Variants in P4HA3 observed in about 807,000 individuals in gnomAD.
P4HA3 encodes the protein prolyl 4-hydroxylase subunit alpha 3, also known as prolyl 4-hydroxylase subunit alpha-3.
P4HA3 carries 60 observed loss-of-function variants against 66.7 expected under a neutral mutation model. The ratio of observed to expected loss-of-function variants is 0.90; its 90% CI spans 0.73 to 1.12. P4HA3 has a LOEUF of 1.12. Among genes scored for constraint, P4HA3 ranks in the 50% most tolerant of loss-of-function variants. The pLI is 0.00. For synonymous variants in P4HA3, 263 were observed against 274.6 expected (o/e 0.96, Z 0.42); for missense variants, 683 against 685.8 (o/e 1.00, Z 0.05).
chr11:74,268,799 C>T (rs1156283918), intron 11 of P4HA3, among the ~76,000 whole-genome samples: 1 of 152,154 alleles, frequency 6.6e-6, no homozygotes, highest in Non-Finnish European at 1.5e-5. Flanking sequence ...GGACTCAAGC[C>T]CAGGTGTTCT....
intron 1 of P4HA3, among the ~76,000 whole-genome samples, chr11:74,306,578 T>C (rs1481543592): frequency 6.6e-6 from 1 of 152,108 alleles, no homozygotes; most frequent in Non-Finnish European, 1.5e-5. Context: ...CAGGAGACTA[T>C]GAGTCCTTTG....
At chr11:74,292,244 T>C (rs1591121880) in intron 4 of P4HA3, among the ~76,000 whole-genome samples, 1 of 152,252 alleles carries the variant, frequency 6.6e-6, no homozygotes, top group African/African-American at 2.4e-5. Context: ...GAGGTGTTTA[T>C]AGTATTCTCT....
intron 10 of P4HA3, among the ~76,000 whole-genome samples, chr11:74,272,477 G>A (rs1860239241): frequency 6.6e-6 from 1 of 152,186 alleles, no homozygotes; most frequent in Admixed American, 6.5e-5. Context: ...GCTCCAAGAT[G>A]TGTCCCCTGC....
downstream of P4HA3, among the ~76,000 whole-genome samples, chr11:74,265,412 G>A (rs1450617471): frequency 6.6e-6 from 1 of 152,162 alleles, no homozygotes; most frequent in East Asian, 1.9e-4. Flanking sequence ...CAGAGCTCTG[G>A]GAAGCTGAGG....
chr11:74,257,138 C>CT (rs1198909431), intron 15 of P4HA3, among the ~76,000 whole-genome samples: 1 of 151,694 alleles, frequency 6.6e-6, no homozygotes, highest in Non-Finnish European at 1.5e-5. Context: ...TTTTTTCTTT[C>CT]TTTTTTTTAG....
At chr11:74,255,372 C>A (rs969758305) in intron 15 of P4HA3, among the ~76,000 whole-genome samples, 1 of 152,094 alleles carries the variant, frequency 6.6e-6, no homozygotes, top group African/African-American at 2.4e-5. Context: ...ACTTTGATCA[C>A]TTCAGTACCT....
At chr11:74,263,391 C>G (rs968553668), downstream of P4HA3, among the ~76,000 whole-genome samples, 1 of 152,200 alleles carries the variant, frequency 6.6e-6, no homozygotes, top group African/African-American at 2.4e-5. Context: ...GGAGACCCCC[C>G]CTGCCCTAAA....
intron 15 of P4HA3, among the ~76,000 whole-genome samples, chr11:74,255,641 T>A (rs1859814589): frequency 6.6e-6 from 1 of 152,234 alleles, no homozygotes; most frequent in Non-Finnish European, 1.5e-5. Context: ...GGTAAGACAT[T>A]TAATAAGTAG....
Position 74,311,462 on chromosome 11 carries a change from CAGCCCCA to C in P4HA3, c.143_149del (p.Leu48ArgfsTer2). On this transcript the variant is annotated frameshift_variant, in exon 1 of 13. Coordinates refer to ENST00000331597, the MANE Select transcript of P4HA3 (RefSeq NM_182904.5). LOFTEE classifies it high-confidence loss of function. ...CCTCCCCGCGCAGGTACCGCCTCAG[CAGCCCCA>C]GCAGCCGGCGCTCGGGCGCCAGGGC... 6.5e-7 allele frequency: 1 copy of C among 1,537,220 alleles called. No individual in the cohort carries two copies. Among genetic ancestry groups the C allele is most frequent in the Non-Finnish European group, 8.7e-7 (1 of 1,148,946 alleles).
chr11:74,265,463 C>T (rs894664361), downstream of P4HA3, among the ~76,000 whole-genome samples: 4 of 152,184 alleles, frequency 2.6e-5, no homozygotes, highest in African/African-American at 9.7e-5. Flanking sequence ...CAGCAGGCAT[C>T]CAACCACCCA....
chr11:74,276,564 T>C (rs1281541026), intron 9 of P4HA3, among the ~76,000 whole-genome samples: 3 of 151,818 alleles, frequency 2.0e-5, no homozygotes, highest in Non-Finnish European at 4.4e-5. Context: ...AAGAAAAAAA[T>C]AAATACATAA....
intron 11 of P4HA3, 64 bp downstream of exon 11, chr11:74,269,588 G>T: frequency 6.7e-7 from 1 of 1,500,346 alleles, no homozygotes; most frequent in South Asian, 1.2e-5. Context: ...CAGACAGCGT[G>T]AAGGTTAGAG....
At chr11:74,274,400 G>A (rs372828159) in intron 9 of P4HA3, among the ~76,000 whole-genome samples, 27 of 151,114 alleles carry the variant, frequency 1.8e-4, no homozygotes, top group African/African-American at 6.3e-4. Flanking sequence ...CTGCCTCCCA[G>A]GTTCATGCCA....
chr11:74,304,267 T>C lies in P4HA3; in HGVS notation c.343+3A>G. Reference sequence around the variant, plus strand: ...CTTACCCTCCAGCCCTCCTCCTCATTACCTCGGATGTTCTCACTGGCCTCC... The same window carrying C: ...CTTACCCTCCAGCCCTCCTCCTCATCACCTCGGATGTTCTCACTGGCCTCC... On this transcript the variant is annotated splice_donor_region_variant and intron_variant, in intron 2 of 12. Transcript: ENST00000331597. 6.2e-7 allele frequency: 1 copy of C among 1,613,496 alleles called. No individual in the cohort carries two copies. Among genetic ancestry groups the C allele is most frequent in the Non-Finnish European group, 8.5e-7 (1 of 1,179,690 alleles).
chr11:74,253,515 C>T (rs1272037670), intron 15 of P4HA3: 1 of 1,606,808 alleles, frequency 6.2e-7, no homozygotes, highest in Non-Finnish European at 8.5e-7. Context: ...TGTTAGTGAC[C>T]TGCTGTCCAC....
chr11:74,268,158 C>T lies in P4HA3; in HGVS notation c.1551G>A (p.Val517=). The T allele has an allele frequency of 1.2e-6, 2 of 1,613,986 alleles. No individual in the cohort carries two copies. The highest frequency in any genetic ancestry group is 2.2e-5 in the East Asian group (1 of 44,882). ...GGCAAGACTTACCCCACTTATCTCCCACCAGGACAGGACAGCCAGCATGAA... is the reference window on the plus strand; with the variant it reads ...GGCAAGACTTACCCCACTTATCTCCTACCAGGACAGGACAGCCAGCATGAA... ...DTLHAGCPVL[V]GDKWVANKWI... The change falls in exon 12 of 13, where the codon GTG becomes GTA. Residue 517 remains valine (V), a synonymous_variant. Coordinates refer to ENST00000331597, the MANE Select transcript of P4HA3 (RefSeq NM_182904.5).
downstream of P4HA3, chr11:74,266,567 T>C (rs1591084498): frequency 1.2e-5 from 2 of 163,270 alleles, no homozygotes; most frequent in East Asian, 1.8e-4. Context: ...AATCCACAGA[T>C]GGGGAACACA....
intron 15 of P4HA3, chr11:74,253,640 C>T (rs1859761848): frequency 9.6e-7 from 1 of 1,036,876 alleles, no homozygotes; most frequent in African/African-American, 1.6e-5. Context: ...TAGACGGGCA[C>T]CCCGAGATGT....
chr11:74,286,068 A>G, intron 6 of P4HA3, 83 bp from the exon 7 acceptor site: 1 of 1,506,266 alleles, frequency 6.6e-7, no homozygotes, highest in Non-Finnish European at 9.1e-7. Flanking sequence ...GCATAAAAAA[A>G]TTGGAATGCA....
Sources: gnomAD v4.1 joint callset for allele counts (sites outside exome capture counted in the v4.1 genomes callset) on GRCh38, gnomAD v4.1.1 for gene constraint, MANE v1.5 for transcripts, NCBI Gene and HGNC (gene_info 2026-07-23, HGNC 2026-07-21) for gene names.